GALNT9: variants seen among roughly 807,000 people sequenced by gnomAD.
The protein encoded by GALNT9 is GalNAc transferase 9.
In GALNT9, 47 loss-of-function variants were observed where a neutral mutation model predicts 63.1. The observed-to-expected ratio is 0.75, with a 90% CI of 0.59 to 0.95. The LOEUF is 0.95. GALNT9 is among the 40% of genes least tolerant of loss of function. The pLI, the probability that GALNT9 is intolerant of heterozygous loss-of-function variation, is 0.00. For missense variants in GALNT9, 829 were observed against 874.8 expected, an observed-to-expected ratio of 0.95 and a Z score of 0.66; for synonymous variants, 396 against 365.7, an observed-to-expected ratio of 1.08 and a Z score of -0.94.
chr12:132,255,973 C>T (rs567520710), intron 5 of GALNT9, among the ~76,000 whole-genome samples: 10 of 152,210 alleles, frequency 6.6e-5, no homozygotes, highest in South Asian at 2.1e-4. Context: ...CCTGAGTTTA[C>T]GCAATCCACC....
chr12:132,328,922 C>T, intron 1 of GALNT9, 44 bp downstream of exon 1: 2 of 1,468,716 alleles, frequency 1.4e-6, no homozygotes, highest in South Asian at 1.4e-5. Context: ...TGGCCACTGT[C>T]CCGGGCAGGG....
chr12:132,301,839 G>A (rs1025793675), intron 1 of GALNT9, among the ~76,000 whole-genome samples: 3 of 152,226 alleles, frequency 2.0e-5, no homozygotes, highest in African/African-American at 7.2e-5. Context: ...GGAGGGGTCT[G>A]CATTTTGCTT....
At position 132,327,284 on chromosome 12, in the gene GALNT9, G is replaced by A. The variant is rs1869077803; in HGVS notation, c.238+1682C>T. Among the ~76,000 whole-genome samples, 1 of 151,416 alleles carries A rather than the reference G, an allele frequency of 6.6e-6. No individual in the cohort carries two copies. The highest frequency in any genetic ancestry group is 2.4e-5 in the African/African-American group (1 of 41,108). The stretch of plus-strand genomic sequence containing the variant: ...AGCGGGATGGGAGAAGGCAGTGGGG[G>A]CGGTGGGCGGTGGGGGGAGACACAC... On this transcript the variant is annotated intron_variant, in intron 1 of 10. Transcript: ENST00000328957. This position sits in a 1 kb window ranked among gnomAD's most constrained non-coding sequence, Gnocchi z 4.3.
At chr12:132,285,608 G>A (rs1049551045) in intron 2 of GALNT9, among the ~76,000 whole-genome samples, 2 of 152,232 alleles carry the variant, frequency 1.3e-5, no homozygotes, top group Admixed American at 6.5e-5. Context: ...AATGCCCTTC[G>A]CTTCAGACAC....
intron 8 of GALNT9, 97 bp from the exon 9 acceptor site, chr12:132,199,366 G>A (rs1204662808): frequency 2.1e-5 from 18 of 856,792 alleles, no homozygotes; most frequent in East Asian, 1.5e-4. Flanking sequence ...ACCTAAGGAG[G>A]TGCCCGCGGG....
intron 2 of GALNT9, chr12:132,275,367 G>C (rs1006984192): frequency 2.0e-5 from 3 of 152,420 alleles, no homozygotes; most frequent in Admixed American, 6.5e-5. Context: ...AGCCAGGAGA[G>C]GTTGGCTGGG....
At chr12:132,321,878 C>A (rs1246718370) in intron 1 of GALNT9, among the ~76,000 whole-genome samples, 1 of 152,094 alleles carries the variant, frequency 6.6e-6, no homozygotes, top group East Asian at 1.9e-4. Context: ...GGATGTCAGG[C>A]GCGCAGGGCC....
intron 4 of GALNT9, among the ~76,000 whole-genome samples, chr12:132,259,365 CACA>C (rs1208156643): frequency 6.6e-6 from 1 of 152,228 alleles, no homozygotes; most frequent in East Asian, 1.9e-4. Flanking sequence ...TTGTGCAGTG[CACA>C]ACGTGTGCGA....
rs1555242195 is a variant in GALNT9 at position 132,286,397 on chromosome 12, G to T, written c.272C>A (p.Pro91Gln). The change falls in exon 2 of 11, where the codon CCA becomes CAA. Residue 91 changes from proline (P) to glutamine (Q), a missense_variant. By Grantham distance (76) the Pro-to-Gln change is moderately conservative. Transcript: ENST00000328957. This position sits in a 1 kb window ranked among gnomAD's most constrained non-coding sequence, Gnocchi z 7.4. ...LAKPIGLVEGPGGLGQGGLAA... is the reference protein window; with the variant it reads ...LAKPIGLVEGQGGLGQGGLAA... ...CAAGCCACCCTGGCCCAGGCCTCCT[G>T]GCCCCTCCACCAGGCCGATGGGCTT... 1.3e-6 allele frequency: 2 copies of T among 1,550,692 alleles called. No individual in the cohort carries two copies. The highest frequency in any genetic ancestry group is 1.7e-6 in the Non-Finnish European group (2 of 1,146,774).
intron 1 of GALNT9, among the ~76,000 whole-genome samples, chr12:132,306,403 G>A (rs574422155): frequency 1.3e-5 from 2 of 152,344 alleles, no homozygotes; most frequent in African/African-American, 4.8e-5. Context: ...ACCCACTCAG[G>A]GGCGCCCCGG....
In GALNT9 at chr12:132,252,563, G is replaced by GC. The variant is rs1878963521; in HGVS notation, c.960-4537_960-4536insG. On this transcript the variant is annotated intron_variant, in intron 5 of 10. Coordinates refer to ENST00000328957, the MANE Select transcript of GALNT9 (RefSeq NM_001122636.2). This position sits in a 1 kb window ranked among gnomAD's most constrained non-coding sequence, Gnocchi z 5.2. ...AGATAAAGAGAAAACAGCTGGGCCTGGGGGGAACCACTGCCATCAAGACAC... is the reference window on the plus strand; with the variant it reads ...AGATAAAGAGAAAACAGCTGGGCCTGCGGGGGAACCACTGCCATCAAGACAC... Among the ~76,000 whole-genome samples the GC allele has an allele frequency of 1.3e-5, 2 of 152,136 alleles. No homozygotes were observed. Among genetic ancestry groups the GC allele is most frequent in the Admixed American group, 6.5e-5 (1 of 15,276 alleles).
At chr12:132,323,730 G>T (rs1375928538) in intron 1 of GALNT9, among the ~76,000 whole-genome samples, 1 of 152,252 alleles carries the variant, frequency 6.6e-6, no homozygotes, top group Non-Finnish European at 1.5e-5. Context: ...GAGTCAGAGT[G>T]GGGGCTCTGG....
intron 2 of GALNT9, among the ~76,000 whole-genome samples, chr12:132,267,210 G>A (rs1555240274): frequency 7.8e-6 from 1 of 127,434 alleles, no homozygotes; most frequent in Non-Finnish European, 1.5e-5. Context: ...GAAGGAGGCA[G>A]GCAGGGGAAC....
At chr12:132,328,126 G>A (rs782217039) in intron 1 of GALNT9, among the ~76,000 whole-genome samples, 3 of 152,180 alleles carry the variant, frequency 2.0e-5, no homozygotes, top group Non-Finnish European at 2.9e-5. Context: ...CCTTGGGGGC[G>A]GCTGCTCCTC....
At chr12:132,321,633 C>T (rs929443228) in intron 1 of GALNT9, among the ~76,000 whole-genome samples, 2 of 152,190 alleles carry the variant, frequency 1.3e-5, no homozygotes, top group East Asian at 3.9e-4. Flanking sequence ...CTGCACCTGC[C>T]ACCGACACCC....
Position 132,261,207 on chromosome 12 carries a change from C to T in GALNT9, c.587-85G>A, listed in dbSNP as rs1360293029. 1.4e-5 allele frequency: 21 copies of T among 1,527,164 alleles called. No individual in the cohort carries two copies. In the South Asian group the frequency reaches 1.5e-4, roughly 11 times the overall value. 94.6% of individuals were successfully genotyped at this position (1,527,164 alleles called of 1,614,324 possible). A position where few individuals can be genotyped will look rare whatever the true frequency, so the allele number is the denominator to read the frequency against. ...ACCCAAGGCTGGAAATGCTGCGTGC[C>T]GCGTGTGGGATGGGTGTATTGTAAA... On this transcript the variant is annotated intron_variant, in intron 3 of 10. Coordinates refer to ENST00000328957, the MANE Select transcript of GALNT9 (RefSeq NM_001122636.2).
At chr12:132,256,052 T>A (rs573047906) in intron 5 of GALNT9, among the ~76,000 whole-genome samples, 44 of 152,364 alleles carry the variant, frequency 2.9e-4, no homozygotes, top group African/African-American at 1.0e-3. Context: ...TTTCATTTAT[T>A]CTTTAAAATC....
In GALNT9 at chr12:132,262,535, G is replaced by T. The variant is rs59683276; in HGVS notation, c.510C>A (p.Ser170=). 1 of 1,551,386 alleles carries T rather than the reference G, an allele frequency of 6.4e-7. No individual in the cohort carries two copies. Among genetic ancestry groups the T allele is most frequent in the South Asian group, 1.2e-5 (1 of 84,066 alleles). ...VNEALSVILR[S]VHSVVNHTPS... The stretch of plus-strand genomic sequence containing the variant: ...GCGTGTGGTTGACCACGCTGTGCAC[G>T]GAGCGCAGGATGACCGACAGCGCCT... The change falls in exon 3 of 11, where the codon TCC becomes TCA. Residue 170 remains serine, a synonymous_variant. Transcript: ENST00000328957.
At chr12:132,226,550 C>T (rs1877696168) in intron 6 of GALNT9, among the ~76,000 whole-genome samples, 2 of 148,850 alleles carry the variant, frequency 1.3e-5, no homozygotes, top group South Asian at 4.3e-4. Context: ...ACAACCCACA[C>T]CCCACTGTAT....
Sources: allele counts gnomAD v4.1 joint callset (sites outside exome capture counted in the v4.1 genomes callset), GRCh38; gene constraint gnomAD v4.1.1; non-coding constraint Gnocchi (gnomAD v3.1); transcripts MANE v1.5; gene names NCBI Gene and HGNC (gene_info 2026-07-23, HGNC 2026-07-21).